Variants in DNER observed in about 807,000 individuals in gnomAD.
DNER encodes the protein delta/notch like EGF repeat containing.
DNER carries 33 observed loss-of-function variants against 78.2 expected under a neutral mutation model. That is an observed-to-expected ratio of 0.42 (90% CI 0.32 to 0.56). The LOEUF is 0.56. Among genes scored for constraint, DNER ranks in the 20% least tolerant of loss-of-function variants. The pLI, the probability that DNER is intolerant of heterozygous loss-of-function variation, is 0.11. For missense variants in DNER, 918 were observed against 975.3 expected (o/e 0.94, Z 0.78); for synonymous variants, 417 against 384.8 (o/e 1.08, Z -0.98).
At chr2:229,388,557 C>A (rs1423818933) in intron 10 of DNER, among the ~76,000 whole-genome samples, 161 bp from the exon 11 acceptor site, 1 of 131,844 alleles carries the variant, frequency 7.6e-6, no homozygotes, top group Non-Finnish European at 1.6e-5. Flanking sequence ...AAATTCCAGA[C>A]GAGGGATCTT....
intron 1 of DNER, among the ~76,000 whole-genome samples, chr2:229,689,331 C>T (rs1699532652): frequency 6.6e-6 from 1 of 152,154 alleles, no homozygotes; most frequent in Non-Finnish European, 1.5e-5. Flanking sequence ...TTGGTAGAGC[C>T]ATGACTTCCT....
At chr2:229,647,479 G>A (rs1026523555) in intron 1 of DNER, among the ~76,000 whole-genome samples, 1 of 152,148 alleles carries the variant, frequency 6.6e-6, no homozygotes, top group Non-Finnish European at 1.5e-5. Flanking sequence ...CTTATAGACT[G>A]CAATCTGGAA....
chr2:229,360,393 A>G (rs182422667), intron 12 of DNER, among the ~76,000 whole-genome samples: 97 of 152,282 alleles, frequency 6.4e-4, no homozygotes, highest in African/African-American at 2.3e-3. Context: ...AATTGTATAT[A>G]TCTTTAAAAC....
intron 6 of DNER, among the ~76,000 whole-genome samples, chr2:229,496,333 A>G (rs941413163): frequency 6.6e-6 from 1 of 152,234 alleles, no homozygotes; most frequent in Non-Finnish European, 1.5e-5. Context: ...AAACATGTAT[A>G]TGACTTCATT....
At chr2:229,366,336 G>A (rs947036245) in intron 12 of DNER, among the ~76,000 whole-genome samples, 1 of 152,166 alleles carries the variant, frequency 6.6e-6, no homozygotes, top group South Asian at 2.1e-4. Context: ...GAGTCATTAA[G>A]ACTCAAAGCT....
chr2:229,712,240 T>C (rs1358382604), intron 1 of DNER, among the ~76,000 whole-genome samples: 2 of 152,250 alleles, frequency 1.3e-5, no homozygotes, highest in Non-Finnish European at 2.9e-5. Flanking sequence ...TGTTATGTAT[T>C]AGTTCCTGAC....
At chr2:229,483,568 G>A (rs1208991728) in intron 6 of DNER, among the ~76,000 whole-genome samples, 2 of 152,218 alleles carry the variant, frequency 1.3e-5, no homozygotes, top group Non-Finnish European at 2.9e-5. Context: ...CCATTGGGAT[G>A]TTGAACAGAG....
At position 229,403,783 on chromosome 2, in the gene DNER, G is replaced by A. The variant is rs1364122636; in HGVS notation, c.1723+3449C>T. 5.3e-5 allele frequency among the ~76,000 whole-genome samples: 8 copies of A among 151,950 alleles called. No individual in the cohort carries two copies. In the East Asian group the frequency reaches 5.8e-4, roughly 11 times the overall value. The stretch of plus-strand genomic sequence containing the variant: ...AAAGGGATGAGCAGAGGGGGGCTGA[G>A]AGGCAAGAGATGGAGGAAAGGCACC... On this transcript the variant is annotated intron_variant, in intron 10 of 12. Coordinates refer to ENST00000341772, the MANE Select transcript of DNER (RefSeq NM_139072.4).
chr2:229,572,940 A>G (rs796616309), intron 4 of DNER, among the ~76,000 whole-genome samples: 5 of 152,334 alleles, frequency 3.3e-5, no homozygotes, highest in African/African-American at 1.2e-4. Context: ...AAAATCTCTT[A>G]AAGTCAGGGA....
At chr2:229,474,766 C>T (rs1451460077) in intron 7 of DNER, among the ~76,000 whole-genome samples, 2 of 152,170 alleles carry the variant, frequency 1.3e-5, no homozygotes, top group East Asian at 1.9e-4. Context: ...GCCCCAGACT[C>T]GCTGCCTCAC....
intron 12 of DNER, 68 bp downstream of exon 12, chr2:229,366,805 T>C (rs1465388922): frequency 1.0e-5 from 16 of 1,596,492 alleles, no homozygotes; most frequent in Non-Finnish European, 1.4e-5. Flanking sequence ...GTCCTGTGTA[T>C]AATATGACCC....
intron 11 of DNER, among the ~76,000 whole-genome samples, chr2:229,372,451 A>C (rs1206054982): frequency 6.6e-6 from 1 of 152,200 alleles, no homozygotes; most frequent in Non-Finnish European, 1.5e-5. Flanking sequence ...GAGTGAGCAC[A>C]GGCCTGTGGG....
chr2:229,586,508 TAAAAAA>T (rs555047737), intron 3 of DNER, among the ~76,000 whole-genome samples: 8 of 13,488 alleles, frequency 5.9e-4, no homozygotes, highest in African/African-American at 2.1e-3. Context: ...TCATTTTTGG[TAAAAAA>T]AAAAAAAAAA....
intron 5 of DNER, among the ~76,000 whole-genome samples, chr2:229,543,660 G>A (rs1324373942): frequency 6.6e-6 from 1 of 152,128 alleles, no homozygotes; most frequent in East Asian, 1.9e-4. Context: ...CTCCCCGAAG[G>A]CTCACTCAGA....
chr2:229,493,479 G>A (rs1281979204), intron 6 of DNER, among the ~76,000 whole-genome samples: 3 of 152,178 alleles, frequency 2.0e-5, no homozygotes, highest in African/African-American at 7.2e-5. Flanking sequence ...CACAGGGCTT[G>A]GCACTGACAT....
intron 4 of DNER, among the ~76,000 whole-genome samples, chr2:229,567,483 G>A (rs190496731): frequency 1.3e-5 from 2 of 152,318 alleles, no homozygotes; most frequent in Admixed American, 1.3e-4. Flanking sequence ...AGACAAAGTG[G>A]CAGAGAGAAA....
At chr2:229,581,217 A>G (rs1486840112) in intron 4 of DNER, among the ~76,000 whole-genome samples, 1 of 152,230 alleles carries the variant, frequency 6.6e-6, no homozygotes, top group African/African-American at 2.4e-5. Flanking sequence ...ATCGGCCATC[A>G]CATCTAAGCA....
At chr2:229,426,476 C>T (rs930260356) in intron 8 of DNER, among the ~76,000 whole-genome samples, 3 of 146,044 alleles carry the variant, frequency 2.1e-5, no homozygotes, top group African/African-American at 7.6e-5. Flanking sequence ...ATATGGGTCA[C>T]AGAGAAAATA....
At chr2:229,420,468 C>T (rs868577258) in intron 8 of DNER, among the ~76,000 whole-genome samples, 2 of 152,150 alleles carry the variant, frequency 1.3e-5, no homozygotes, top group Non-Finnish European at 2.9e-5. Flanking sequence ...GCCTGTACCT[C>T]GGATATCATA....
Sources: gnomAD v4.1 joint callset for allele counts (sites outside exome capture counted in the v4.1 genomes callset) on GRCh38, gnomAD v4.1.1 for gene constraint, MANE v1.5 for transcripts, NCBI Gene and HGNC (gene_info 2026-07-23, HGNC 2026-07-21) for gene names.